Variants in HLCS observed in about 807,000 individuals in gnomAD.
HLCS encodes biotin--protein ligase.
A neutral mutation model predicts 75.0 loss-of-function variants in HLCS; 53 were observed. The ratio of observed to expected loss-of-function variants is 0.71; its 90% CI spans 0.57 to 0.89. The LOEUF (loss-of-function observed/expected upper bound fraction) is 0.89. HLCS is among the 40% of genes least tolerant of loss of function. The pLI is 0.00. For missense variants in HLCS, 966 were observed against 1,074.0 expected (o/e 0.90, Z 1.41); for synonymous variants, 431 against 428.6 (o/e 1.01, Z -0.07).
At chr21:36,772,788 T>G (rs1393687656) in intron 6 of HLCS, among the ~76,000 whole-genome samples, 1 of 151,988 alleles carries the variant, frequency 6.6e-6, no homozygotes, top group Non-Finnish European at 1.5e-5. Context: ...ATCGAGACCA[T>G]CCTGGCCAAC....
chr21:36,824,073 A>G (rs1198747911), intron 6 of HLCS, among the ~76,000 whole-genome samples: 1 of 152,172 alleles, frequency 6.6e-6, no homozygotes, highest in East Asian at 1.9e-4. Context: ...TGAGGTCAGG[A>G]GTTTGAGACC....
intron 5 of HLCS, among the ~76,000 whole-genome samples, chr21:36,919,741 T>C (rs905787879): frequency 1.6e-4 from 25 of 152,342 alleles, no homozygotes; most frequent in African/African-American, 4.8e-4. Flanking sequence ...AGAATTAGCC[T>C]GAAATAAATA....
chr21:36,797,206 G>A (rs2061053952), intron 6 of HLCS, among the ~76,000 whole-genome samples: 1 of 152,006 alleles, frequency 6.6e-6, no homozygotes, highest in African/African-American at 2.4e-5. Flanking sequence ...CATAACTCAT[G>A]GCTGTACCAT....
chr21:36,893,706 C>T (rs944186734), intron 6 of HLCS, among the ~76,000 whole-genome samples: 2 of 152,196 alleles, frequency 1.3e-5, no homozygotes, highest in African/African-American at 2.4e-5. Flanking sequence ...CTAATGCTGC[C>T]GCTGATCTGA....
chr21:36,805,122 A>G (rs1448060993), intron 6 of HLCS, among the ~76,000 whole-genome samples: 2 of 152,234 alleles, frequency 1.3e-5, no homozygotes, highest in Non-Finnish European at 2.9e-5. Flanking sequence ...GCCCTAGGCG[A>G]TGCCAGAAAC....
intron 6 of HLCS, among the ~76,000 whole-genome samples, chr21:36,799,938 T>C (rs2061146759): frequency 6.6e-6 from 1 of 152,182 alleles, no homozygotes; most frequent in Admixed American, 6.5e-5. Context: ...GGACAACTAA[T>C]AAGAATAAAA....
At chr21:36,921,499 T>C (rs2146449692) in intron 5 of HLCS, among the ~76,000 whole-genome samples, 1 of 152,336 alleles carries the variant, frequency 6.6e-6, no homozygotes, top group Non-Finnish European at 1.5e-5. Flanking sequence ...TTCTAAACTT[T>C]TCCTTAATGC....
chr21:36,761,464 G>C (rs1184784672), intron 8 of HLCS, among the ~76,000 whole-genome samples: 1 of 151,978 alleles, frequency 6.6e-6, no homozygotes, highest in East Asian at 1.9e-4. Context: ...AAGCATGGGG[G>C]GTGCGCAATG....
chr21:36,783,856 C>A (rs964577040), intron 6 of HLCS, among the ~76,000 whole-genome samples: 1 of 152,160 alleles, frequency 6.6e-6, no homozygotes, highest in African/African-American at 2.4e-5. Flanking sequence ...AATCCACACA[C>A]ACACACACTT....
At chr21:36,767,498 G>A (rs1330586942) in intron 6 of HLCS, among the ~76,000 whole-genome samples, 1 of 152,130 alleles carries the variant, frequency 6.6e-6, no homozygotes, top group Non-Finnish European at 1.5e-5. Context: ...GATGAAGAAA[G>A]CACCTTTTAA....
At chr21:36,953,467 C>A (rs896145465) in intron 2 of HLCS, among the ~76,000 whole-genome samples, 1 of 152,118 alleles carries the variant, frequency 6.6e-6, no homozygotes, top group African/African-American at 2.4e-5. Flanking sequence ...GATGGACTTC[C>A]AAAGCAAAAC....
chr21:36,973,718 C>G lies in HLCS; in HGVS notation c.-392-11548G>C, dbSNP rs1341912289. On this transcript the variant is annotated intron_variant, in intron 1 of 11. Transcript: ENST00000336648. ...ACAAAACACCAGACAAGGGAGGGCACTGTGGCTCATGCCTGTAATCCCGGC... is the reference window on the plus strand; with the variant it reads ...ACAAAACACCAGACAAGGGAGGGCAGTGTGGCTCATGCCTGTAATCCCGGC... The G allele has an allele frequency of 4.6e-5, 7 of 152,270 alleles. 1 individual carries two copies. The South Asian group carries it at 6.2e-4, about 14-fold the overall frequency. The allele number at this position is 152,270 out of a possible 1,614,324, so 9.4% of individuals were successfully genotyped here. A position where few individuals can be genotyped will look rare whatever the true frequency, so the allele number is the denominator to read the frequency against.
chr21:36,936,765 T>C lies in HLCS; in HGVS notation c.1121A>G (p.Glu374Gly), dbSNP rs747077708. The change falls in exon 4 of 11, where the codon GAA (glutamate) becomes GGA (glycine). Residue 374 changes from glutamate to glycine, a missense_variant. Glu to Gly is a moderately conservative substitution (Grantham distance 98). Transcript: ENST00000674895. ...LVIATRESIPEDLYQKFMAYL... is the reference protein window; with the variant it reads ...LVIATRESIPGDLYQKFMAYL... ...GGCCATGAACTTCTGGTACAGGTCTTCGGGAATGGACTCCCTGGTAGCAAT... is the reference window on the plus strand; with the variant it reads ...GGCCATGAACTTCTGGTACAGGTCTCCGGGAATGGACTCCCTGGTAGCAAT... 1 of 1,614,204 alleles carries C rather than the reference T, an allele frequency of 6.2e-7. No individual in the cohort carries two copies. The highest frequency in any genetic ancestry group is 8.5e-7 in the Non-Finnish European group (1 of 1,180,042).
At chr21:36,777,641 C>T (rs1483681191) in intron 6 of HLCS, among the ~76,000 whole-genome samples, 1 of 152,190 alleles carries the variant, frequency 6.6e-6, no homozygotes, top group Non-Finnish European at 1.5e-5. Context: ...TTTGGAAGAG[C>T]AGGGGCAGTT....
chr21:36,961,604 C>A (rs966761343), intron 2 of HLCS, among the ~76,000 whole-genome samples: 2 of 151,744 alleles, frequency 1.3e-5, no homozygotes, highest in African/African-American at 4.8e-5. Flanking sequence ...TATATTTAAC[C>A]CAAAATATCC....
At chr21:36,922,284 G>T (rs1007255675) in intron 5 of HLCS, among the ~76,000 whole-genome samples, 12 of 152,006 alleles carry the variant, frequency 7.9e-5, no homozygotes, top group Admixed American at 7.9e-4. Context: ...TACATTTCTG[G>T]TATACCACAT....
At chr21:36,910,266 C>T (rs1050722059) in intron 5 of HLCS, among the ~76,000 whole-genome samples, 25 of 152,204 alleles carry the variant, frequency 1.6e-4, no homozygotes, top group African/African-American at 5.3e-4. Flanking sequence ...ACTCCTGGGC[C>T]GGGCGCAGTG....
At chr21:36,782,896 A>G (rs1227361161) in intron 6 of HLCS, among the ~76,000 whole-genome samples, 1 of 152,084 alleles carries the variant, frequency 6.6e-6, no homozygotes, top group Non-Finnish European at 1.5e-5. Context: ...AGGCACAAGA[A>G]TCACTTGAAC....
chr21:36,770,991 A>G (rs1172917458), intron 6 of HLCS, among the ~76,000 whole-genome samples: 4 of 152,058 alleles, frequency 2.6e-5, no homozygotes, highest in Non-Finnish European at 5.9e-5. Flanking sequence ...AGGCCGAGGC[A>G]GGCGGATCAC....
Sources: gnomAD v4.1 joint callset for allele counts (sites outside exome capture counted in the v4.1 genomes callset) on GRCh38, gnomAD v4.1.1 for gene constraint, MANE v1.5 for transcripts, NCBI Gene and HGNC (gene_info 2026-07-23, HGNC 2026-07-21) for gene names.